MACROD2: variants seen among roughly 807,000 people sequenced by gnomAD.
MACROD2 encodes the protein ADP-ribose glycohydrolase MACROD2.
A neutral mutation model predicts 70.4 loss-of-function variants in MACROD2; 36 were observed. The ratio of observed to expected loss-of-function variants is 0.51; its 90% CI spans 0.39 to 0.68. MACROD2 has a LOEUF of 0.68. Among genes scored for constraint, MACROD2 ranks in the 30% least tolerant of loss-of-function variants. The pLI, the probability that MACROD2 is intolerant of heterozygous loss-of-function variation, is 0.00. For synonymous variants in MACROD2, 172 were observed against 178.8 expected, an observed-to-expected ratio of 0.96 and a Z score of 0.30; for missense variants, 496 against 538.4, an observed-to-expected ratio of 0.92 and a Z score of 0.78.
intron 3 of MACROD2, among the ~76,000 whole-genome samples, chr20:14,154,965 C>T (rs1219728574): frequency 6.6e-6 from 1 of 152,102 alleles, no homozygotes; most frequent in Non-Finnish European, 1.5e-5. Flanking sequence ...GAACTAAGTG[C>T]TTTTTTCTTT....
At chr20:14,324,456 A>G (rs999687366) in intron 3 of MACROD2, 2 of 152,614 alleles carry the variant, frequency 1.3e-5, no homozygotes, top group Non-Finnish European at 2.9e-5. Flanking sequence ...GTAAAAGTAA[A>G]TTGAACATTT....
Position 15,692,991 on chromosome 20 carries a change from C to G in MACROD2, c.646-169754C>G, listed in dbSNP as rs1316338981. 2.0e-5 allele frequency among the ~76,000 whole-genome samples: 3 copies of G among 152,128 alleles called. No individual in the cohort carries two copies. The East Asian group carries it at 5.8e-4, about 29-fold the overall frequency. On this transcript the variant is annotated intron_variant, in intron 8 of 17. Transcript: ENST00000684519. ...AAAGTGTGGCACTTCCCACTCTTCTCTCTCTCTCCTGCTCCACCATGCTAA... is the reference window on the plus strand; with the variant it reads ...AAAGTGTGGCACTTCCCACTCTTCTGTCTCTCTCCTGCTCCACCATGCTAA...
At chr20:15,993,052 G>T (rs1320928710) in intron 15 of MACROD2, among the ~76,000 whole-genome samples, 1 of 143,314 alleles carries the variant, frequency 7.0e-6, no homozygotes, top group Non-Finnish European at 1.6e-5. Flanking sequence ...ATTAACATTT[G>T]TTCCTTATAT....
chr20:15,149,218 T>C (rs906772940), intron 5 of MACROD2, among the ~76,000 whole-genome samples: 1 of 151,970 alleles, frequency 6.6e-6, no homozygotes, highest in African/African-American at 2.4e-5. Flanking sequence ...GAATAGCAGA[T>C]GGAACACTGA....
intron 2 of MACROD2, among the ~76,000 whole-genome samples, chr20:14,008,887 AT>A (rs2052859866): frequency 6.6e-6 from 1 of 152,218 alleles, no homozygotes; most frequent in African/African-American, 2.4e-5. Context: ...TCTCTATTTA[AT>A]AAATGGTGCT....
intron 8 of MACROD2, among the ~76,000 whole-genome samples, chr20:15,825,163 A>C (rs2063983170): frequency 6.6e-6 from 1 of 152,174 alleles, no homozygotes; most frequent in South Asian, 2.1e-4. Flanking sequence ...ATTTTTTGTC[A>C]TGCCCCCCAC....
intron 3 of MACROD2, among the ~76,000 whole-genome samples, chr20:14,356,776 A>T (rs1411557501): frequency 6.6e-6 from 1 of 152,058 alleles, no homozygotes; most frequent in Non-Finnish European, 1.5e-5. Context: ...AAGTGCTGGG[A>T]TTACAGGCGT....
chr20:15,463,274 G>A (rs1458010425), intron 7 of MACROD2, among the ~76,000 whole-genome samples: 2 of 152,196 alleles, frequency 1.3e-5, no homozygotes, highest in Non-Finnish European at 2.9e-5. Flanking sequence ...TGGGTTCAGA[G>A]CAAAGAGTAC....
chr20:14,868,350 GC>G (rs1305694749), intron 5 of MACROD2, among the ~76,000 whole-genome samples: 1 of 151,788 alleles, frequency 6.6e-6, no homozygotes, highest in Non-Finnish European at 1.5e-5. Flanking sequence ...ACCACACCTG[GC>G]TAATGTTTCT....
chr20:14,818,957 A>G (rs969303290), intron 5 of MACROD2, among the ~76,000 whole-genome samples: 3 of 150,312 alleles, frequency 2.0e-5, no homozygotes, highest in African/African-American at 7.4e-5. Context: ...AGAGAGGTTA[A>G]TTAACTTGTC....
intron 5 of MACROD2, among the ~76,000 whole-genome samples, chr20:14,727,347 A>T (rs1421931120): frequency 2.0e-5 from 3 of 152,016 alleles, no homozygotes; most frequent in Admixed American, 2.0e-4. Flanking sequence ...CCTGGGCAAC[A>T]TAGTGAGACC....
chr20:15,682,600 G>A (rs953945058), intron 8 of MACROD2, among the ~76,000 whole-genome samples: 4 of 152,168 alleles, frequency 2.6e-5, no homozygotes, highest in African/African-American at 9.6e-5. Flanking sequence ...AAACCAGTGA[G>A]AGGACCATGT....
At chr20:15,478,755 C>T (rs1245502080) in intron 7 of MACROD2, among the ~76,000 whole-genome samples, 1 of 152,166 alleles carries the variant, frequency 6.6e-6, no homozygotes, top group Non-Finnish European at 1.5e-5. Flanking sequence ...GATGTCTTCT[C>T]TAATTCTTAA....
chr20:15,688,302 C>A (rs1489548672), intron 8 of MACROD2, among the ~76,000 whole-genome samples: 1 of 152,112 alleles, frequency 6.6e-6, no homozygotes, highest in Non-Finnish European at 1.5e-5. Flanking sequence ...CTGAATCTTC[C>A]TCAAACAGAA....
chr20:15,153,517 T>C (rs1428680227), intron 5 of MACROD2, among the ~76,000 whole-genome samples: 1 of 152,096 alleles, frequency 6.6e-6, no homozygotes, highest in Non-Finnish European at 1.5e-5. Context: ...CTATAGCAGT[T>C]CCCATGAAAA....
intron 6 of MACROD2, among the ~76,000 whole-genome samples, chr20:15,312,545 C>T (rs1472400669): frequency 6.6e-6 from 1 of 151,892 alleles, no homozygotes; most frequent in Non-Finnish European, 1.5e-5. Flanking sequence ...TGGAAGTGTC[C>T]TATAATAGAA....
intron 12 of MACROD2, among the ~76,000 whole-genome samples, chr20:15,946,591 T>C (rs1022717850): frequency 6.6e-6 from 1 of 152,220 alleles, no homozygotes; most frequent in African/African-American, 2.4e-5. Context: ...TATACTTATC[T>C]AACTCAGTAG....
chr20:14,426,555 G>A (rs2083934860), intron 3 of MACROD2, among the ~76,000 whole-genome samples: 1 of 152,094 alleles, frequency 6.6e-6, no homozygotes, highest in South Asian at 2.1e-4. Flanking sequence ...GACATGTAAA[G>A]GTGTGGGACA....
At chr20:16,019,300 C>T (rs564075039) in intron 15 of MACROD2, among the ~76,000 whole-genome samples, 1 of 152,228 alleles carries the variant, frequency 6.6e-6, no homozygotes, top group African/African-American at 2.4e-5. Flanking sequence ...GGTAGATGGA[C>T]AACTAGCCGG....
Sources: gnomAD v4.1 joint callset for allele counts (sites outside exome capture counted in the v4.1 genomes callset) on GRCh38, gnomAD v4.1.1 for gene constraint, MANE v1.5 for transcripts, NCBI Gene and HGNC (gene_info 2026-07-23, HGNC 2026-07-21) for gene names.